Variants in CAST observed in about 807,000 individuals in gnomAD.
CAST encodes MIR583 host.
CAST carries 76 observed loss-of-function variants against 119.6 expected under a neutral mutation model. The ratio of observed to expected loss-of-function variants is 0.64; its 90% CI spans 0.53 to 0.77. CAST has a LOEUF of 0.77. Among genes scored for constraint, CAST ranks in the 30% least tolerant of loss-of-function variants. CAST has a pLI of 0.00. For missense variants in CAST, 953 were observed against 946.5 expected (o/e 1.01, Z -0.09); for synonymous variants, 319 against 331.6 (o/e 0.96, Z 0.41).
chr5:96,520,706 A>G (rs1439782164), upstream of CAST, among the ~76,000 whole-genome samples: 1 of 152,176 alleles, frequency 6.6e-6, no homozygotes, highest in Non-Finnish European at 1.5e-5. Flanking sequence ...CTTTTACTGA[A>G]TAAATGTCTA....
At chr5:96,296,495 T>G in the CAST span, among the ~76,000 whole-genome samples, 2 of 152,244 alleles carry the variant, frequency 1.3e-5, no homozygotes, top group South Asian at 4.1e-4. Context: ...TTATAATTCT[T>G]TGCAAATTAT....
the CAST span, among the ~76,000 whole-genome samples, chr5:96,416,856 C>A: frequency 0.71 from 107,957 of 152,206 alleles, 39,381 homozygotes; most frequent in African/African-American, 0.89. Flanking sequence ...ATGCGTCTTC[C>A]AAACACCAAA....
intron 1 of CAST, among the ~76,000 whole-genome samples, chr5:96,555,887 C>T (rs1746228855): frequency 6.6e-6 from 1 of 152,188 alleles, no homozygotes; most frequent in African/African-American, 2.4e-5. Context: ...GTGGTTCTCC[C>T]AGCACGCAGC....
At chr5:96,162,707 T>G in the CAST span, among the ~76,000 whole-genome samples, 11 of 152,194 alleles carry the variant, frequency 7.2e-5, no homozygotes, top group African/African-American at 2.7e-4. Flanking sequence ...CATGAGCCAC[T>G]GCACCCGGCC....
chr5:96,326,995 T>G, the CAST span, among the ~76,000 whole-genome samples: 1 of 152,212 alleles, frequency 6.6e-6, no homozygotes, highest in Non-Finnish European at 1.5e-5. Flanking sequence ...AATCACCTTG[T>G]GCAGCAATGG....
the CAST span, among the ~76,000 whole-genome samples, chr5:96,044,987 C>G: frequency 0.011 from 1,609 of 152,274 alleles, 10 homozygotes; most frequent in Middle Eastern, 0.048. Flanking sequence ...CTGGGACAGG[C>G]CTTCTAGAGG....
the CAST span, among the ~76,000 whole-genome samples, chr5:96,460,504 C>G: frequency 4.1e-3 from 619 of 151,766 alleles, 5 homozygotes; most frequent in African/African-American, 0.014. Context: ...TGTAACAAAC[C>G]TGCACATTCT....
chr5:96,269,410 C>T, the CAST span, among the ~76,000 whole-genome samples: 48,052 of 151,998 alleles, frequency 0.32, 7,906 homozygotes, highest in Admixed American at 0.42. Flanking sequence ...ATCATCCAGA[C>T]ATAAAACCAA....
At chr5:96,560,181 C>T (rs1211071586) in intron 1 of CAST, among the ~76,000 whole-genome samples, 1 of 151,988 alleles carries the variant, frequency 6.6e-6, no homozygotes, top group Non-Finnish European at 1.5e-5. Context: ...GGATCCCTTC[C>T]TTACACCTTA....
the CAST span, among the ~76,000 whole-genome samples, chr5:96,131,122 C>A: frequency 6.6e-6 from 1 of 151,772 alleles, no homozygotes; most frequent in African/African-American, 2.4e-5. Context: ...AAAATAGAAA[C>A]AAACTTAATG....
the CAST span, among the ~76,000 whole-genome samples, chr5:96,507,733 G>A: frequency 6.6e-6 from 1 of 152,106 alleles, no homozygotes; most frequent in Admixed American, 6.5e-5. Flanking sequence ...AAAGGTTATT[G>A]TCAAGAGTGG....
At chr5:96,656,469 T>C (rs1378334931) in intron 1 of CAST, among the ~76,000 whole-genome samples, 1 of 152,242 alleles carries the variant, frequency 6.6e-6, no homozygotes, top group Non-Finnish European at 1.5e-5. Flanking sequence ...TGTCTCCTCC[T>C]ATCTCTGCTT....
the CAST span, among the ~76,000 whole-genome samples, chr5:96,490,377 T>TGTGC: frequency 6.6e-6 from 1 of 151,926 alleles, no homozygotes; most frequent in Non-Finnish European, 1.5e-5. Context: ...TGTGTGTGTG[T>TGTGC]GTGTATGTAA....
chr5:96,283,035 C>T, the CAST span, among the ~76,000 whole-genome samples: 3,827 of 148,112 alleles, frequency 0.026, 78 homozygotes, highest in Middle Eastern at 0.042. Context: ...GAGGCTGAGG[C>T]AGGAGAATGG....
At chr5:96,499,465 C>G in the CAST span, among the ~76,000 whole-genome samples, 3 of 152,212 alleles carry the variant, frequency 2.0e-5, no homozygotes, top group African/African-American at 7.2e-5. Context: ...AAGATGCTAA[C>G]AATTATCTGA....
rs970506462 is a variant in CAST at position 96,773,365 on chromosome 5, T to A, written c.*749T>A. On this transcript the variant is annotated 3_prime_UTR_variant, in exon 32 of 32. Coordinates refer to ENST00000675179, the MANE Select transcript of CAST (RefSeq NM_001750.7). Reference sequence around the variant, plus strand: ...AATAAAGGTTAGATAAGTCCTTGTGTAGCAAATTTCGAGCATAAGAAATAA... The same window carrying A: ...AATAAAGGTTAGATAAGTCCTTGTGAAGCAAATTTCGAGCATAAGAAATAA... The A allele has an allele frequency of 2.0e-5, 3 of 153,312 alleles. No homozygotes were observed. Among genetic ancestry groups the A allele is most frequent in the Non-Finnish European group, 4.4e-5 (3 of 68,016 alleles). 9.5% of individuals were successfully genotyped at this position (153,312 alleles called of 1,614,324 possible).
chr5:96,718,326 G>C (rs1010683734), intron 3 of CAST, among the ~76,000 whole-genome samples: 2 of 152,112 alleles, frequency 1.3e-5, no homozygotes, highest in African/African-American at 4.8e-5. Context: ...TAAAGTCATG[G>C]GGAGAAATCA....
the CAST span, among the ~76,000 whole-genome samples, chr5:96,216,991 T>G: frequency 1.8e-4 from 28 of 152,220 alleles, no homozygotes; most frequent in African/African-American, 6.7e-4. Context: ...CAGAAAATAT[T>G]AAAAAGATGT....
chr5:96,699,504 AC>A (rs1210818216), intron 3 of CAST, among the ~76,000 whole-genome samples: 2 of 152,224 alleles, frequency 1.3e-5, no homozygotes, highest in African/African-American at 4.8e-5. Flanking sequence ...TCCTGCTGCC[AC>A]CACAGCTCAG....
Sources: allele counts gnomAD v4.1 joint callset (sites outside exome capture counted in the v4.1 genomes callset), GRCh38; gene constraint gnomAD v4.1.1; transcripts MANE v1.5; gene names NCBI Gene and HGNC (gene_info 2026-07-23, HGNC 2026-07-21).